The following ARNT2 variants were observed in gnomAD, a reference collection of about 807,000 sequenced individuals.
ARNT2 encodes ARNT protein 2.
In ARNT2, 36 loss-of-function variants were observed where a neutral mutation model predicts 91.7. The observed-to-expected ratio is 0.39, with a 90% CI of 0.30 to 0.52. The LOEUF is 0.52. ARNT2 is among the 20% of genes least tolerant of loss of function. The pLI, the probability that ARNT2 is intolerant of heterozygous loss-of-function variation, is 0.72. For synonymous variants in ARNT2, 365 were observed against 347.1 expected (o/e 1.05, Z -0.57); for missense variants, 775 against 939.3 (o/e 0.83, Z 2.29).
intron 5 of ARNT2, among the ~76,000 whole-genome samples, chr15:80,506,963 T>A (rs1338590555): frequency 6.6e-6 from 1 of 152,218 alleles, no homozygotes; most frequent in East Asian, 1.9e-4. Flanking sequence ...AGAGAGCCCT[T>A]GTGGCCTGGG....
intron 12 of ARNT2, among the ~76,000 whole-genome samples, chr15:80,566,779 G>A (rs1315128461): frequency 4.6e-5 from 7 of 152,170 alleles, no homozygotes; most frequent in Admixed American, 4.6e-4. Flanking sequence ...GTCACCCTTG[G>A]CTGACTTGAT....
chr15:80,433,267 ATTTTATTTTATTTTAT>A (rs1366869102), intron 1 of ARNT2, among the ~76,000 whole-genome samples: 1 of 128,222 alleles, frequency 7.8e-6, no homozygotes, highest in Non-Finnish European at 1.7e-5. Context: ...ATTTTATTTT[ATTTTATTTTATTTTAT>A]TTTATTTTAT....
intron 5 of ARNT2, among the ~76,000 whole-genome samples, chr15:80,489,171 A>T (rs1371899406): frequency 1.3e-5 from 2 of 152,238 alleles, no homozygotes. Flanking sequence ...CTCCAGTGTG[A>T]TAAAGAAAAT....
At chr15:80,414,622 A>G (rs1180087651) in intron 1 of ARNT2, among the ~76,000 whole-genome samples, 4 of 152,228 alleles carry the variant, frequency 2.6e-5, no homozygotes, top group African/African-American at 9.6e-5. Context: ...TTAGAACAGC[A>G]TTGATGTTTC....
rs1017542371 is a variant in ARNT2, at chr15:80,593,748, G to A, written c.*50G>A. ...TGTACAGTGCCACCCATACTGTGAT[G>A]TCGATGCCCATGTGAATGAGGCCCA... On this transcript the variant is annotated 3_prime_UTR_variant, in exon 19 of 19. Transcript: ENST00000303329. 2.0e-6 allele frequency: 3 copies of A among 1,513,720 alleles called. No individual in the cohort carries two copies. Among genetic ancestry groups the A allele is most frequent in the Non-Finnish European group, 1.8e-6 (2 of 1,109,468 alleles). The allele number at this position is 1,513,720 out of a possible 1,614,324, so 93.8% of individuals were successfully genotyped here. A position where few individuals can be genotyped will look rare whatever the true frequency, so the allele number is the denominator to read the frequency against.
intron 18 of ARNT2, 110 bp from the exon 19 acceptor site, chr15:80,593,490 C>G (rs979904170): frequency 3.6e-6 from 3 of 832,256 alleles, no homozygotes; most frequent in Non-Finnish European, 5.7e-6. Flanking sequence ...TCTGGGCTGC[C>G]CCTTTAGGGA....
chr15:80,575,235 G>A, intron 14 of ARNT2, 125 bp downstream of exon 14: 1 of 1,306,000 alleles, frequency 7.7e-7, no homozygotes, highest in Non-Finnish European at 1.1e-6. Flanking sequence ...ACCATTGCAG[G>A]GTATAAAAAT....
At chr15:80,502,198 A>G (rs1463944636) in intron 5 of ARNT2, among the ~76,000 whole-genome samples, 1 of 152,206 alleles carries the variant, frequency 6.6e-6, no homozygotes, top group African/African-American at 2.4e-5. Context: ...CCAGAGTGAG[A>G]AAACTAATTG....
intron 3 of ARNT2, among the ~76,000 whole-genome samples, chr15:80,465,829 A>G (rs897775188): frequency 6.6e-6 from 1 of 152,070 alleles, no homozygotes; most frequent in African/African-American, 2.4e-5. Context: ...ATTTCCTGGG[A>G]CTTTTTCACA....
intron 2 of ARNT2, among the ~76,000 whole-genome samples, chr15:80,457,411 A>G (rs1440976811): frequency 6.6e-6 from 1 of 152,232 alleles, no homozygotes; most frequent in African/African-American, 2.4e-5. Flanking sequence ...ATTTTTAAGC[A>G]GTACAACCGG....
intron 4 of ARNT2, among the ~76,000 whole-genome samples, chr15:80,472,115 AT>A (rs200772526): frequency 1.6e-4 from 1 of 6,448 alleles, no homozygotes; most frequent in African/African-American, 7.6e-4. Flanking sequence ...GTGGGGGGGC[AT>A]TGGGGTGGGG....
At chr15:80,472,007 T>C (rs1896738722) in intron 4 of ARNT2, among the ~76,000 whole-genome samples, 1 of 152,194 alleles carries the variant, frequency 6.6e-6, no homozygotes, top group African/African-American at 2.4e-5. Flanking sequence ...TGTGCTCATC[T>C]GTGAAATGAA....
At chr15:80,437,688 C>T (rs371663039) in intron 1 of ARNT2, among the ~76,000 whole-genome samples, 7 of 152,270 alleles carry the variant, frequency 4.6e-5, no homozygotes, top group East Asian at 1.9e-4. Flanking sequence ...TCACAACTGC[C>T]GGCTTCTGTT....
chr15:80,552,022 C>T (rs762087579), intron 9 of ARNT2, among the ~76,000 whole-genome samples: 6 of 152,194 alleles, frequency 3.9e-5, no homozygotes. Flanking sequence ...ACTCATTCAA[C>T]TGGACTGTTC....
At chr15:80,480,212 G>T (rs918191356) in intron 5 of ARNT2, among the ~76,000 whole-genome samples, 1 of 152,168 alleles carries the variant, frequency 6.6e-6, no homozygotes, top group African/African-American at 2.4e-5. Context: ...CCAGCTCTCT[G>T]CAGGGAAGGA....
chr15:80,520,072 A>G lies in ARNT2; in HGVS notation c.877+5667A>G, dbSNP rs546363128. On this transcript the variant is annotated intron_variant, in intron 8 of 18. Transcript: ENST00000303329. ...AATGGAAGGCAGGTTTGCATGACCC[A>G]GTTCCCAGTTTGACTTTTCCCTTTG... Among the ~76,000 whole-genome samples the G allele has an allele frequency of 6.6e-5, 10 of 150,702 alleles. No individual in the cohort carries two copies. In the South Asian group the frequency reaches 2.1e-3, roughly 32 times the overall value.
rs553544347 is a variant in ARNT2, at chr15:80,524,836, T to C, written c.877+10431T>C. The stretch of plus-strand genomic sequence containing the variant: ...CTTGCAGTGAGCAGAGATTGCGCCA[T>C]TGCACTCCAGCCTGGGCGACAGAGC... On this transcript the variant is annotated intron_variant, in intron 8 of 18. Transcript: ENST00000303329. Among the ~76,000 whole-genome samples, 110 of 150,702 alleles carry C rather than the reference T, an allele frequency of 7.3e-4. No homozygotes were observed. The Middle Eastern group carries it at 0.014, about 19-fold the overall frequency.
chr15:80,512,476 C>G (rs1897358664), intron 6 of ARNT2, among the ~76,000 whole-genome samples: 1 of 152,194 alleles, frequency 6.6e-6, no homozygotes, highest in African/African-American at 2.4e-5. Context: ...AGGACTGGGT[C>G]CCCACAGACT....
rs933964746 is a variant in ARNT2, at chr15:80,404,413, G to T, written c.-103G>T. 21 of 704,384 alleles carry T rather than the reference G, an allele frequency of 3.0e-5. No individual in the cohort carries two copies. In the African/African-American group the frequency reaches 3.7e-4, roughly 12 times the overall value. The allele number at this position is 704,384 out of a possible 1,614,324, so 43.6% of individuals were successfully genotyped here. A position where few individuals can be genotyped will look rare whatever the true frequency, so the allele number is the denominator to read the frequency against. On this transcript the variant is annotated 5_prime_UTR_variant, in exon 1 of 19. Coordinates refer to ENST00000303329, the MANE Select transcript of ARNT2 (RefSeq NM_014862.4). The surrounding 1 kb of genome is among the most constrained non-coding windows in gnomAD (Gnocchi z 5.5). ...CGCCCGCGCCGTCCTTTGTGTGGCGGCGGCGGCGCCTGGGCCTGACCGGGT... is the reference window on the plus strand; with the variant it reads ...CGCCCGCGCCGTCCTTTGTGTGGCGTCGGCGGCGCCTGGGCCTGACCGGGT...
Sources: allele counts gnomAD v4.1 joint callset (sites outside exome capture counted in the v4.1 genomes callset), GRCh38; gene constraint gnomAD v4.1.1; non-coding constraint Gnocchi (gnomAD v3.1); transcripts MANE v1.5; gene names NCBI Gene and HGNC (gene_info 2026-07-23, HGNC 2026-07-21).